DENND11: variants seen among roughly 807,000 people sequenced by gnomAD.
DENND11 encodes the protein DENN domain containing 11.
DENND11 carries 34 observed loss-of-function variants against 49.2 expected under a neutral mutation model. The observed-to-expected ratio is 0.69, with a 90% confidence interval of 0.53 to 0.92. The LOEUF (loss-of-function observed/expected upper bound fraction) is 0.92, where lower values mean the gene tolerates loss of function less well. DENND11 is among the 40% of genes least tolerant of loss of function. The pLI is 0.00. For synonymous variants in DENND11, 238 were observed against 230.3 expected (o/e 1.03, Z -0.30); for missense variants, 475 against 581.6 (o/e 0.82, Z 1.88).
chr7:141,697,929 C>A (rs1798442271), intron 1 of DENND11, among the ~76,000 whole-genome samples: 1 of 152,158 alleles, frequency 6.6e-6, no homozygotes, highest in Non-Finnish European at 1.5e-5. Flanking sequence ...GGTAGAAATT[C>A]ATTCCCAAGA....
At chr7:141,668,093 T>A (rs1221906786) in intron 4 of DENND11, among the ~76,000 whole-genome samples, 1 of 152,256 alleles carries the variant, frequency 6.6e-6, no homozygotes, top group Non-Finnish European at 1.5e-5. Context: ...AACTTGTTCT[T>A]CCACCACACA....
intron 1 of DENND11, among the ~76,000 whole-genome samples, chr7:141,696,983 T>C (rs974896407): frequency 4.6e-5 from 7 of 152,242 alleles, no homozygotes; most frequent in African/African-American, 1.7e-4. Context: ...TAAAGTCAGC[T>C]ATATGCCAAT....
rs138225763 is a variant in DENND11 at position 141,664,157 on chromosome 7, G to A, written c.1172+15C>T. ...ATCCTCAGGGAGACTCCACATCCAC[G>A]GCCCCAGGACTCACAGCACGAAGAG... On this transcript the variant is annotated intron_variant, in intron 8 of 8. Transcript: ENST00000536163. 382 of 1,566,478 alleles carry A rather than the reference G, an allele frequency of 2.4e-4. No individual in the cohort carries two copies. The East Asian group carries it at 7.9e-3, about 32-fold the overall frequency.
intron 1 of DENND11, among the ~76,000 whole-genome samples, chr7:141,693,439 T>G (rs1376371285): frequency 3.3e-5 from 5 of 152,190 alleles, no homozygotes; most frequent in Admixed American, 6.5e-5. Flanking sequence ...TTTGGCAGTT[T>G]TTTACAAAAC....
intron 1 of DENND11, among the ~76,000 whole-genome samples, chr7:141,697,044 C>T (rs563372596): frequency 1.7e-4 from 26 of 152,360 alleles, no homozygotes; most frequent in Non-Finnish European, 2.8e-4. Context: ...CCTTCCATTT[C>T]ACAGATCCCA....
intron 4 of DENND11, among the ~76,000 whole-genome samples, chr7:141,667,963 G>A (rs77056348): frequency 0.014 from 2,069 of 152,312 alleles, 50 homozygotes; most frequent in African/African-American, 0.048. Context: ...AGTGACCAAG[G>A]CTGGTTGCAT....
intron 1 of DENND11, among the ~76,000 whole-genome samples, chr7:141,690,230 C>T (rs895377629): frequency 2.6e-5 from 4 of 152,218 alleles, no homozygotes; most frequent in African/African-American, 9.6e-5. Flanking sequence ...CCTTGATCTT[C>T]CTTCAGTTTC....
At chr7:141,669,586 C>T (rs188920858) in intron 4 of DENND11, among the ~76,000 whole-genome samples, 93 of 151,940 alleles carry the variant, frequency 6.1e-4, no homozygotes, top group Admixed American at 5.2e-3. Flanking sequence ...TGTAAAAATT[C>T]ATTGAATTAT....
chr7:141,669,028 T>C (rs1206604877), intron 4 of DENND11, among the ~76,000 whole-genome samples: 2 of 152,168 alleles, frequency 1.3e-5, no homozygotes, highest in African/African-American at 4.8e-5. Flanking sequence ...GATAGACCCA[T>C]GCCTGCCACT....
At position 141,686,614 on chromosome 7, in the gene DENND11, C is replaced by A. The variant is rs371102397; in HGVS notation, c.313G>T (p.Gly105Cys). The change falls in exon 2 of 9, where the codon GGT becomes TGT. Residue 105 changes from glycine (G) to cysteine (C), a missense_variant. Physicochemically the swap from Gly to Cys is radical, Grantham distance 159. Coordinates refer to ENST00000536163, the MANE Select transcript of DENND11 (RefSeq NM_001080392.2). ...WCLPQDIDLE[G>C]VEFKSMASGS... ...CTGGCCATAGACTTGAACTCAACAC[C>A]TTCAAGGTCAATATCTTGAGGTAAG... 95 of 1,613,278 alleles carry A rather than the reference C, an allele frequency of 5.9e-5. No homozygotes were observed. The highest frequency in any genetic ancestry group is 7.6e-5 in the Non-Finnish European group (90 of 1,179,588).
chr7:141,677,433 ATG>A (rs146524088), intron 3 of DENND11, among the ~76,000 whole-genome samples: 16,259 of 140,890 alleles, frequency 0.12, 1,329 homozygotes, highest in East Asian at 0.35. Flanking sequence ...ACACATATAT[ATG>A]TGTGTGTGTG....
intron 2 of DENND11, among the ~76,000 whole-genome samples, chr7:141,686,268 T>C (rs528969836): frequency 2.6e-5 from 4 of 152,218 alleles, no homozygotes; most frequent in Admixed American, 1.3e-4. Context: ...GCTGAAACTG[T>C]GCACTTTCAT....
intron 1 of DENND11, among the ~76,000 whole-genome samples, chr7:141,696,619 T>C (rs148025030): frequency 1.3e-5 from 2 of 152,294 alleles, no homozygotes; most frequent in South Asian, 2.1e-4. Context: ...TTTTACTCTT[T>C]CCACGGTTCT....
In DENND11 at chr7:141,665,176, C is replaced by G; in HGVS notation, c.952+11G>C. ...CCTGAGGGCAAGATGAGGGGAGGGC[C>G]CCGTACTCACAGGCCACATAGGACA... On this transcript the variant is annotated intron_variant, in intron 6 of 8. Coordinates refer to ENST00000536163, the MANE Select transcript of DENND11 (RefSeq NM_001080392.2). 6.2e-7 allele frequency: 1 copy of G among 1,612,504 alleles called. No individual in the cohort carries two copies. Among genetic ancestry groups the G allele is most frequent in the South Asian group, 1.1e-5 (1 of 90,744 alleles).
At chr7:141,691,817 C>A (rs1252005536) in intron 1 of DENND11, among the ~76,000 whole-genome samples, 1 of 152,150 alleles carries the variant, frequency 6.6e-6, no homozygotes, top group Non-Finnish European at 1.5e-5. Flanking sequence ...TCTGTCTCTG[C>A]AGGAGTCTGT....
chr7:141,687,463 A>ATT (rs754606947), intron 1 of DENND11, among the ~76,000 whole-genome samples: 6 of 142,036 alleles, frequency 4.2e-5, no homozygotes, highest in Non-Finnish European at 4.6e-5. Flanking sequence ...ATAAGGTGCG[A>ATT]TTTTTTTTTT....
chr7:141,674,645 C>T (rs754882073), intron 3 of DENND11, among the ~76,000 whole-genome samples: 63 of 152,204 alleles, frequency 4.1e-4, no homozygotes, highest in Admixed American at 8.5e-4. Flanking sequence ...AGAGAACTCA[C>T]GCTTGCCTGC....
intron 4 of DENND11, among the ~76,000 whole-genome samples, chr7:141,671,249 T>G (rs919387082): frequency 1.3e-5 from 2 of 152,232 alleles, no homozygotes. Context: ...CGATGTTGGC[T>G]CACTGCAACT....
chr7:141,663,130 GGGTTTAAACACA>G, intron 8 of DENND11: 1 of 322,396 alleles, frequency 3.1e-6, no homozygotes, highest in Non-Finnish European at 5.6e-6. Context: ...GAAGTGACCT[GGGTTTAAACACA>G]GCCTGAGAAG....
Sources: allele counts gnomAD v4.1 joint callset (sites outside exome capture counted in the v4.1 genomes callset), GRCh38; gene constraint gnomAD v4.1.1; transcripts MANE v1.5; gene names NCBI Gene and HGNC (gene_info 2026-07-23, HGNC 2026-07-21).